Variants in MACROD1 observed in about 807,000 individuals in gnomAD.
MACROD1 encodes ADP-ribose glycohydrolase MACROD1.
A neutral mutation model predicts 41.4 loss-of-function variants in MACROD1; 31 were observed. The observed-to-expected ratio is 0.75, with a 90% CI of 0.56 to 1.01. The LOEUF (loss-of-function observed/expected upper bound fraction) is 1.01, where lower values mean the gene tolerates loss of function less well. Among genes scored for constraint, MACROD1 ranks in the 50% least tolerant of loss-of-function variants. MACROD1 has a pLI of 0.00. For synonymous variants in MACROD1, 252 were observed against 203.4 expected, an observed-to-expected ratio of 1.24 and a Z score of -2.03; for missense variants, 473 against 460.0, an observed-to-expected ratio of 1.03 and a Z score of -0.26.
At chr11:64,032,949 C>T (rs931305062) in intron 3 of MACROD1, among the ~76,000 whole-genome samples, 4 of 150,766 alleles carry the variant, frequency 2.7e-5, no homozygotes, top group African/African-American at 9.7e-5. Flanking sequence ...CCCCCAGCTT[C>T]TGTCCCCCAC....
intron 3 of MACROD1, among the ~76,000 whole-genome samples, chr11:64,020,656 C>T (rs948730238): frequency 2.0e-5 from 3 of 152,074 alleles, no homozygotes; most frequent in Non-Finnish European, 4.4e-5. Flanking sequence ...GGTCTCCTGG[C>T]CCCCGGTGAT....
chr11:64,096,778 T>C lies in MACROD1; in HGVS notation c.517+54461A>G, dbSNP rs542617302. ...GGGCAGGCTCTGGCCGCAGTGCCCC[T>C]CCCTGAGGGGAAGAGGGCAGGCCTG... On this transcript the variant is annotated intron_variant, in intron 3 of 10. Coordinates refer to ENST00000255681, the MANE Select transcript of MACROD1 (RefSeq NM_014067.4). The surrounding 1 kb of genome is among the most constrained non-coding windows in gnomAD (Gnocchi z 4.6). 6.6e-6 allele frequency among the ~76,000 whole-genome samples: 1 copy of C among 152,194 alleles called. No homozygotes were observed. The highest frequency in any genetic ancestry group is 6.5e-5 in the Admixed American group (1 of 15,302).
intron 3 of MACROD1, among the ~76,000 whole-genome samples, chr11:64,135,517 C>A (rs1049141690): frequency 6.6e-6 from 1 of 152,268 alleles, no homozygotes; most frequent in Non-Finnish European, 1.5e-5. Context: ...ACCATCCCTG[C>A]ATTTTATTTT....
In MACROD1 at chr11:64,075,953, C is replaced by T. The variant is rs186943068; in HGVS notation, c.518-60672G>A. On this transcript the variant is annotated intron_variant, in intron 3 of 10. Coordinates refer to ENST00000255681, the MANE Select transcript of MACROD1 (RefSeq NM_014067.4). ...CTTCCCAAAGTGTTGGGATTGCAGGCGTGGGCCACTGTGCCCGGCCTGGCC... is the reference window on the plus strand; with the variant it reads ...CTTCCCAAAGTGTTGGGATTGCAGGTGTGGGCCACTGTGCCCGGCCTGGCC... Among the ~76,000 whole-genome samples the T allele has an allele frequency of 4.7e-3, 712 of 152,334 alleles. 3 individuals are homozygous for T. Among genetic ancestry groups the T allele is most frequent in the Non-Finnish European group, 7.3e-3 (496 of 68,030 alleles).
At chr11:64,161,057 G>A (rs1052796757) in intron 1 of MACROD1, among the ~76,000 whole-genome samples, 6 of 152,050 alleles carry the variant, frequency 3.9e-5, no homozygotes, top group Non-Finnish European at 8.8e-5. Flanking sequence ...TGTAATCCCA[G>A]CAACTCTGGA....
chr11:64,109,125 C>T (rs540221063), intron 3 of MACROD1, among the ~76,000 whole-genome samples: 2 of 152,244 alleles, frequency 1.3e-5, no homozygotes, highest in African/African-American at 2.4e-5. Context: ...AAAGAGGAGA[C>T]GTGGGAGTGA....
At chr11:64,115,884 C>A (rs1944969127) in intron 3 of MACROD1, among the ~76,000 whole-genome samples, 1 of 152,230 alleles carries the variant, frequency 6.6e-6, no homozygotes, top group South Asian at 2.1e-4. Flanking sequence ...AGAAACCAAG[C>A]CTGCTGCATG....
intron 3 of MACROD1, among the ~76,000 whole-genome samples, chr11:64,044,596 C>G (rs1943549676): frequency 1.3e-5 from 2 of 152,160 alleles, no homozygotes; most frequent in Non-Finnish European, 2.9e-5. Flanking sequence ...CAGGGGTAAA[C>G]TGAGGCACTG....
chr11:63,999,751 G>A lies in MACROD1; in HGVS notation c.677C>T (p.Thr226Ile). ...CTCCCCGTAGGCGATGGGCCCCACT[G>A]TGTGGATGACGTCTACGGGGGGCGA... is the stretch of plus-strand genomic sequence containing the variant. The part of the protein sequence containing the change: ...YRLPAKYVIH[T>I]VGPIAYGEPS... The change falls in exon 6 of 11, where the codon ACA (threonine) becomes ATA (isoleucine). Residue 226 changes from threonine (T) to isoleucine (I), a missense_variant. Thr to Ile is a moderately conservative substitution (Grantham distance 89). Coordinates refer to ENST00000255681, the MANE Select transcript of MACROD1 (RefSeq NM_014067.4). The A allele has an allele frequency of 6.2e-7, 1 of 1,606,920 alleles. No homozygotes were observed. The highest frequency in any genetic ancestry group is 1.1e-5 in the South Asian group (1 of 90,688).
intron 3 of MACROD1, among the ~76,000 whole-genome samples, chr11:64,042,021 C>T (rs941796108): frequency 1.3e-5 from 2 of 152,060 alleles, no homozygotes; most frequent in African/African-American, 2.4e-5. Context: ...CTTCCTTCTT[C>T]GCTCACTCAC....
intron 3 of MACROD1, among the ~76,000 whole-genome samples, chr11:64,047,282 TG>T: frequency 6.6e-6 from 1 of 151,960 alleles, no homozygotes; most frequent in South Asian, 2.1e-4. Context: ...CCGAGATAAA[TG>T]GCTTTCTTTG....
chr11:63,999,824 C>T, intron 5 of MACROD1, 61 bp from the exon 6 acceptor site: 1 of 1,548,502 alleles, frequency 6.5e-7, no homozygotes, highest in Non-Finnish European at 8.7e-7. Context: ...TCCCTCGCTT[C>T]CCCCTGCCGG....
In MACROD1 at chr11:64,096,813, G is replaced by C. The variant is rs1290148453; in HGVS notation, c.517+54426C>G. Among the ~76,000 whole-genome samples, 12 of 152,220 alleles carry C rather than the reference G, an allele frequency of 7.9e-5. No homozygotes were observed. The highest frequency in any genetic ancestry group is 1.5e-5 in the Non-Finnish European group (1 of 68,034). Reference sequence around the variant, plus strand: ...GAAGAGGGCAGGCCTGTGGGGGGCTGCCGTGTCCCCATACCCTCCAAGCAC... The same window carrying C: ...GAAGAGGGCAGGCCTGTGGGGGGCTCCCGTGTCCCCATACCCTCCAAGCAC... On this transcript the variant is annotated intron_variant, in intron 3 of 10. Transcript: ENST00000255681. This position sits in a 1 kb window ranked among gnomAD's most constrained non-coding sequence, Gnocchi z 4.6.
chr11:64,093,232 G>A (rs889573678), intron 3 of MACROD1, among the ~76,000 whole-genome samples: 1 of 152,186 alleles, frequency 6.6e-6, no homozygotes, highest in Non-Finnish European at 1.5e-5. Flanking sequence ...ACTGTTGTTA[G>A]TATTATTATT....
intron 3 of MACROD1, among the ~76,000 whole-genome samples, chr11:64,140,324 G>T (rs1945393858): frequency 6.6e-6 from 1 of 152,248 alleles, no homozygotes; most frequent in Non-Finnish European, 1.5e-5. Context: ...GGAGTGAGGG[G>T]CCCAGGCTGC....
At chr11:64,014,297 A>T (rs1483114124) in intron 4 of MACROD1, among the ~76,000 whole-genome samples, 2 of 152,046 alleles carry the variant, frequency 1.3e-5, no homozygotes, top group African/African-American at 2.4e-5. Flanking sequence ...GGGAGCTGTG[A>T]CCTCCATGGG....
At chr11:64,038,305 G>A (rs1026190381) in intron 3 of MACROD1, among the ~76,000 whole-genome samples, 2 of 152,198 alleles carry the variant, frequency 1.3e-5, no homozygotes, top group Non-Finnish European at 2.9e-5. Flanking sequence ...CTCCCCTCTG[G>A]GACCGGCTTC....
chr11:64,121,979 A>AC (rs1458872758), intron 3 of MACROD1, among the ~76,000 whole-genome samples: 1 of 151,954 alleles, frequency 6.6e-6, no homozygotes, highest in Non-Finnish European at 1.5e-5. Context: ...CTAAAAAAAA[A>AC]AAAGGAAAGG....
intron 1 of MACROD1, among the ~76,000 whole-genome samples, chr11:64,153,594 AG>A (rs1945618679): frequency 6.6e-6 from 1 of 152,146 alleles, no homozygotes; most frequent in South Asian, 2.1e-4. Flanking sequence ...CACTGCTGGC[AG>A]GGGTGATAAC....
Sources: allele counts gnomAD v4.1 joint callset (sites outside exome capture counted in the v4.1 genomes callset), GRCh38; gene constraint gnomAD v4.1.1; non-coding constraint Gnocchi (gnomAD v3.1); transcripts MANE v1.5; gene names NCBI Gene and HGNC (gene_info 2026-07-23, HGNC 2026-07-21).